The following METTL24 variants were observed in gnomAD, a reference collection of about 807,000 sequenced individuals.
The protein encoded by METTL24 is probable methyltransferase-like protein 24.
In METTL24, 29 loss-of-function variants were observed where a neutral mutation model predicts 32.7. The ratio of observed to expected loss-of-function variants is 0.89; its 90% CI spans 0.66 to 1.21. METTL24 has a LOEUF of 1.21. METTL24 is among the 50% of genes most tolerant of loss of function. METTL24 has a pLI of 0.00. For missense variants in METTL24, 439 were observed against 468.1 expected (o/e 0.94, Z 0.57); for synonymous variants, 163 against 179.5 (o/e 0.91, Z 0.73).
rs1267749684 is a variant in METTL24, at chr6:110,358,213, C to A, written c.60G>T (p.Gly20=). The change falls in exon 1 of 5, where the codon GGG becomes GGT. Residue 20 remains glycine (G), a synonymous_variant. Transcript: ENST00000338882. ...GCCGCAGGCCGAACAACAGCACAGC[C>A]CCGAGTAGACACCGGCGCAGGACGC... ...GCGVLRRCLL[G]AVLLFGLRLC... is the part of the protein sequence containing the mutation. 6.7e-7 allele frequency: 1 copy of A among 1,482,892 alleles called. No individual in the cohort carries two copies. The highest frequency in any genetic ancestry group is 2.9e-5 in the East Asian group (1 of 34,468). 91.9% of individuals were successfully genotyped at this position (1,482,892 alleles called of 1,614,324 possible).
chr6:110,335,054 C>T (rs1772186687), intron 1 of METTL24, among the ~76,000 whole-genome samples: 1 of 152,226 alleles, frequency 6.6e-6, no homozygotes, highest in African/African-American at 2.4e-5. Context: ...GCAGAGTCGA[C>T]TGGACTCCTC....
intron 3 of METTL24, among the ~76,000 whole-genome samples, chr6:110,309,092 A>C (rs911475153): frequency 6.6e-6 from 1 of 152,220 alleles, no homozygotes; most frequent in Non-Finnish European, 1.5e-5. Flanking sequence ...TAAATGGATG[A>C]ATTGTATGGC....
At chr6:110,354,006 A>AT (rs1359523479) in intron 1 of METTL24, among the ~76,000 whole-genome samples, 1 of 152,214 alleles carries the variant, frequency 6.6e-6, no homozygotes, top group African/African-American at 2.4e-5. Context: ...TCACAGTGGT[A>AT]TTTTTATGCA....
chr6:110,255,822 C>T (rs747741658), intron 4 of METTL24, among the ~76,000 whole-genome samples: 1 of 152,060 alleles, frequency 6.6e-6, no homozygotes, highest in Non-Finnish European at 1.5e-5. Flanking sequence ...TTCAGGAAGA[C>T]ATGTTCTTGG....
chr6:110,255,634 T>C (rs1475178487), intron 4 of METTL24, among the ~76,000 whole-genome samples: 1 of 152,130 alleles, frequency 6.6e-6, no homozygotes, highest in Non-Finnish European at 1.5e-5. Flanking sequence ...TGAAAACAAA[T>C]CTCTGATCTT....
rs1274435828 is a variant in METTL24 at position 110,259,728 on chromosome 6, ACT to A, written c.787-13470_787-13469del. Among the ~76,000 whole-genome samples, 9 of 152,304 alleles carry A rather than the reference ACT, an allele frequency of 5.9e-5. No individual in the cohort carries two copies. The South Asian group carries it at 1.2e-3, about 21-fold the overall frequency. On this transcript the variant is annotated intron_variant, in intron 4 of 4. Coordinates refer to ENST00000338882, the MANE Select transcript of METTL24 (RefSeq NM_001123364.3). ...GGGAGGCATCCCCCAGTAGGGGCAG[ACT>A]GACACCTCACACGGCTGGGTACTCC... is the stretch of plus-strand genomic sequence containing the variant.
chr6:110,262,460 T>C (rs1770754187), intron 4 of METTL24, among the ~76,000 whole-genome samples: 1 of 152,088 alleles, frequency 6.6e-6, no homozygotes. Context: ...GGCTCTGAAA[T>C]TGAGACAATA....
chr6:110,315,538 G>A lies in METTL24; in HGVS notation c.418-57C>T, dbSNP rs1771804473. ...TGAAATGTTGGATGATAAATAGCAGGTAGGGACTTATTGCTTCCCCATCCT... is the reference window on the plus strand; with the variant it reads ...TGAAATGTTGGATGATAAATAGCAGATAGGGACTTATTGCTTCCCCATCCT... On this transcript the variant is annotated intron_variant, in intron 2 of 4. Transcript: ENST00000338882. 5 of 1,577,820 alleles carry A rather than the reference G, an allele frequency of 3.2e-6. No homozygotes were observed. In the South Asian group the frequency reaches 3.4e-5, roughly 11 times the overall value.
chr6:110,348,056 C>T (rs967342781), intron 1 of METTL24, among the ~76,000 whole-genome samples: 9 of 152,140 alleles, frequency 5.9e-5, no homozygotes, highest in Non-Finnish European at 1.2e-4. Context: ...GCACACACAT[C>T]GATACATTTT....
At chr6:110,308,388 CA>C (rs1383584110) in intron 3 of METTL24, among the ~76,000 whole-genome samples, 1 of 151,962 alleles carries the variant, frequency 6.6e-6, no homozygotes, top group Non-Finnish European at 1.5e-5. Flanking sequence ...TCTCCAGGAA[CA>C]AAAAACTCAC....
chr6:110,352,488 G>T (rs1180502310), intron 1 of METTL24, among the ~76,000 whole-genome samples: 5 of 151,794 alleles, frequency 3.3e-5, no homozygotes, highest in African/African-American at 1.2e-4. Context: ...CCTTGCTATT[G>T]GTTTATATTA....
intron 1 of METTL24, among the ~76,000 whole-genome samples, chr6:110,355,473 C>T (rs1772683229): frequency 6.6e-6 from 1 of 152,052 alleles, no homozygotes; most frequent in African/African-American, 2.4e-5. Context: ...TACTTTTTTC[C>T]CTAATTTAAT....
chr6:110,280,659 T>C (rs1003554845), intron 4 of METTL24, among the ~76,000 whole-genome samples: 1 of 151,974 alleles, frequency 6.6e-6, no homozygotes, highest in African/African-American at 2.4e-5. Flanking sequence ...CTTTTTTTTT[T>C]TTCTTTTTTT....
intron 4 of METTL24, among the ~76,000 whole-genome samples, chr6:110,261,711 TG>T (rs1464144538): frequency 1.3e-5 from 2 of 152,242 alleles, no homozygotes; most frequent in African/African-American, 4.8e-5. Context: ...ACCACATAGT[TG>T]GAAGTAAAGC....
chr6:110,314,377 T>C, intron 3 of METTL24, among the ~76,000 whole-genome samples: 1 of 152,224 alleles, frequency 6.6e-6, no homozygotes, highest in African/African-American at 2.4e-5. Context: ...AGTTCAGAAC[T>C]GTTTTTATAT....
chr6:110,300,445 G>C lies in METTL24; in HGVS notation c.558-1295C>G, dbSNP rs1350656114. Among the ~76,000 whole-genome samples the C allele has an allele frequency of 4.6e-4, 65 of 141,504 alleles. 1 individual carries two copies. Among genetic ancestry groups the C allele is most frequent in the South Asian group, 2.2e-4 (1 of 4,592 alleles). The allele number at this position is 141,504 out of a possible 152,430, so 92.8% of individuals were successfully genotyped here. On this transcript the variant is annotated intron_variant, in intron 3 of 4. Coordinates refer to ENST00000338882, the MANE Select transcript of METTL24 (RefSeq NM_001123364.3). ...TGCTTTTTTTTTTTTTTTTTAGATG[G>C]AGTCTGGCTCCATCACCCAGGCCGG...
At chr6:110,322,445 C>T (rs1329548717) in intron 2 of METTL24, among the ~76,000 whole-genome samples, 2 of 152,158 alleles carry the variant, frequency 1.3e-5, no homozygotes, top group Non-Finnish European at 2.9e-5. Flanking sequence ...GTGACATACT[C>T]GACTGCCTAC....
intron 1 of METTL24, among the ~76,000 whole-genome samples, chr6:110,331,214 T>C (rs369643535): frequency 6.6e-6 from 1 of 151,936 alleles, no homozygotes; most frequent in South Asian, 2.1e-4. Flanking sequence ...ATAGAAAGTA[T>C]CCAATGTGAA....
intron 4 of METTL24, among the ~76,000 whole-genome samples, chr6:110,294,500 A>G (rs2114727799): frequency 6.6e-6 from 1 of 152,154 alleles, no homozygotes; most frequent in African/African-American, 2.4e-5. Context: ...AATACTGCAG[A>G]AAACCAAAGG....
Sources: allele counts gnomAD v4.1 joint callset (sites outside exome capture counted in the v4.1 genomes callset), GRCh38; gene constraint gnomAD v4.1.1; transcripts MANE v1.5; gene names NCBI Gene and HGNC (gene_info 2026-07-23, HGNC 2026-07-21).